Variants in LYRM4 observed in about 807,000 individuals in gnomAD.
LYRM4 encodes the protein LYR motif containing 4, also known as LYR motif-containing protein 4.
In LYRM4, 9 loss-of-function variants were observed where a neutral mutation model predicts 11.7. The ratio of observed to expected loss-of-function variants is 0.77; its 90% CI spans 0.46 to 1.34. The LOEUF (loss-of-function observed/expected upper bound fraction) is 1.34, where lower values mean the gene tolerates loss of function less well. LYRM4 is among the 40% of genes most tolerant of loss of function. LYRM4 has a pLI of 0.00. For synonymous variants in LYRM4, 42 were observed against 40.4 expected (o/e 1.04, Z -0.15); for missense variants, 133 against 112.5 (o/e 1.18, Z -0.82).
intron 2 of LYRM4, among the ~76,000 whole-genome samples, chr6:5,145,288 G>C (rs1757655538): frequency 6.6e-6 from 1 of 152,232 alleles, no homozygotes; most frequent in African/African-American, 2.4e-5. Flanking sequence ...GTTTCGGTGA[G>C]TGGAGGAGCC....
At chr6:5,061,110 A>C in the LYRM4 span, among the ~76,000 whole-genome samples, 1 of 152,262 alleles carries the variant, frequency 6.6e-6, no homozygotes, top group Non-Finnish European at 1.5e-5. Flanking sequence ...CACTTAATTA[A>C]TTAAAAAGAC....
At chr6:5,252,934 A>G (rs1056712461) in intron 1 of LYRM4, among the ~76,000 whole-genome samples, 18 of 152,166 alleles carry the variant, frequency 1.2e-4, no homozygotes, top group African/African-American at 4.1e-4. Flanking sequence ...TAAGCCCCCA[A>G]TTAAGCCCTG....
chr6:5,106,728 GC>G (rs1485719398), downstream of LYRM4: 1 of 152,244 alleles, frequency 6.6e-6, no homozygotes, highest in African/African-American at 2.4e-5. Flanking sequence ...GCCTTGCTCG[GC>G]CAATGAGTTC....
chr6:5,177,346 G>C (rs1408864226), intron 2 of LYRM4, among the ~76,000 whole-genome samples: 1 of 152,254 alleles, frequency 6.6e-6, no homozygotes, highest in Non-Finnish European at 1.5e-5. Context: ...TGTCCTTGGA[G>C]GAGTACTGCA....
chr6:5,063,592 G>T, the LYRM4 span, among the ~76,000 whole-genome samples: 9 of 152,332 alleles, frequency 5.9e-5, no homozygotes, highest in Admixed American at 3.9e-4. Flanking sequence ...ACCCAGGCTT[G>T]TTCACCTATG....
chr6:5,115,943 C>A (rs1017746126), intron 2 of LYRM4, among the ~76,000 whole-genome samples: 4 of 152,144 alleles, frequency 2.6e-5, no homozygotes, highest in African/African-American at 9.7e-5. Context: ...TGCCTCAGTT[C>A]CCCTACATGA....
At chr6:5,160,976 C>G (rs1368147855) in intron 2 of LYRM4, among the ~76,000 whole-genome samples, 1 of 152,210 alleles carries the variant, frequency 6.6e-6, no homozygotes, top group East Asian at 1.9e-4. Flanking sequence ...TCTAACTGCT[C>G]TGGACTTCAG....
At chr6:5,239,019 G>C (rs923030119) in intron 1 of LYRM4, among the ~76,000 whole-genome samples, 30 of 152,222 alleles carry the variant, frequency 2.0e-4, no homozygotes, top group South Asian at 4.1e-4. Flanking sequence ...GCAAGCAGCA[G>C]AATCAGATTT....
At chr6:5,120,156 A>G (rs1290610279) in intron 2 of LYRM4, among the ~76,000 whole-genome samples, 1 of 152,122 alleles carries the variant, frequency 6.6e-6, no homozygotes, top group Non-Finnish European at 1.5e-5. Flanking sequence ...CGGCCTCCCA[A>G]AGTGCTAGGA....
intron 1 of LYRM4, among the ~76,000 whole-genome samples, chr6:5,256,717 T>C (rs1394415363): frequency 6.6e-6 from 1 of 152,018 alleles, no homozygotes; most frequent in Admixed American, 6.6e-5. Flanking sequence ...AGCCCTGTGA[T>C]TAACTACCTC....
chr6:5,085,531 G>C, the LYRM4 span: 1 of 1,539,420 alleles, frequency 6.5e-7, no homozygotes, highest in Non-Finnish European at 8.7e-7. Flanking sequence ...GCCGGGACCA[G>C]CGCCCTTCCG....
At chr6:5,230,835 G>C (rs994804117) in intron 1 of LYRM4, among the ~76,000 whole-genome samples, 3 of 152,122 alleles carry the variant, frequency 2.0e-5, no homozygotes, top group Non-Finnish European at 4.4e-5. Flanking sequence ...AAGGGGACAC[G>C]TATCAGTCAT....
chr6:5,067,979 TCTC>T, the LYRM4 span, among the ~76,000 whole-genome samples: 1 of 152,194 alleles, frequency 6.6e-6, no homozygotes, highest in Non-Finnish European at 1.5e-5. Flanking sequence ...ATACTTAAAA[TCTC>T]CTCACAAGAA....
intron 1 of LYRM4, among the ~76,000 whole-genome samples, chr6:5,228,316 G>A (rs1177580117): frequency 2.6e-5 from 4 of 151,700 alleles, no homozygotes; most frequent in South Asian, 4.2e-4. Context: ...TTGCTCTATC[G>A]TCCAGGCTGC....
intron 2 of LYRM4, among the ~76,000 whole-genome samples, chr6:5,154,496 A>G (rs951864498): frequency 6.6e-6 from 1 of 152,176 alleles, no homozygotes; most frequent in African/African-American, 2.4e-5. Flanking sequence ...TCAGAAGACA[A>G]CCCAACACCT....
At chr6:5,085,847 C>T in the LYRM4 span, 10 of 1,529,256 alleles carry the variant, frequency 6.5e-6, no homozygotes, top group South Asian at 9.6e-5. Flanking sequence ...CAGCTCGGCC[C>T]GGGCGGCTGC....
chr6:5,179,065 C>CAAAACAAAAACAAAAA (rs1561851701), intron 2 of LYRM4, among the ~76,000 whole-genome samples: 6 of 103,896 alleles, frequency 5.8e-5, no homozygotes, highest in African/African-American at 1.2e-4. Flanking sequence ...ACCAAAAAAA[C>CAAAACAAAAACAAAAA]AAAAAAAAAA....
At chr6:5,083,471 C>T in the LYRM4 span, among the ~76,000 whole-genome samples, 5 of 152,270 alleles carry the variant, frequency 3.3e-5, no homozygotes, top group East Asian at 1.9e-4. Flanking sequence ...GCAAGGGGAC[C>T]GGCAGGGCCC....
chr6:5,109,203 C>A lies in LYRM4; in HGVS notation c.*220G>T. 5.7e-6 allele frequency: 8 copies of A among 1,411,428 alleles called. No homozygotes were observed. Among genetic ancestry groups the A allele is most frequent in the African/African-American group, 1.4e-5 (1 of 69,422 alleles). The allele number at this position is 1,411,428 out of a possible 1,614,324, so 87.4% of individuals were successfully genotyped here. On this transcript the variant is annotated 3_prime_UTR_variant, in exon 3 of 3. Coordinates refer to ENST00000330636, the MANE Select transcript of LYRM4 (RefSeq NM_020408.6). ...TGGTAACACACAGCACTATTCTGAA[C>A]GAACTCCAGCTCTCCATTCTAACAC... is the stretch of plus-strand genomic sequence containing the variant.
Sources: allele counts gnomAD v4.1 joint callset (sites outside exome capture counted in the v4.1 genomes callset), GRCh38; gene constraint gnomAD v4.1.1; transcripts MANE v1.5; gene names NCBI Gene and HGNC (gene_info 2026-07-23, HGNC 2026-07-21).